PALLD: variants seen among roughly 807,000 people sequenced by gnomAD.
The protein encoded by PALLD is palladin.
Under a neutral mutation model 123.5 loss-of-function variants are expected in PALLD, and 61 were observed. The observed-to-expected ratio is 0.49, with a 90% CI of 0.40 to 0.61. The LOEUF is 0.61. Among genes scored for constraint, PALLD ranks in the 20% least tolerant of loss-of-function variants. The probability of loss-of-function intolerance (pLI) is 0.00; values close to 1 mark genes in which losing one functional copy is unlikely to be tolerated. For missense variants in PALLD, 1,273 were observed against 1,377.0 expected (o/e 0.92, Z 1.20); for synonymous variants, 465 against 496.4 (o/e 0.94, Z 0.84).
chr4:168,523,512 C>A (rs1763768003), intron 2 of PALLD, among the ~76,000 whole-genome samples: 1 of 152,040 alleles, frequency 6.6e-6, no homozygotes, highest in South Asian at 2.1e-4. Context: ...GACTTTGAAC[C>A]ACTACAAAGA....
chr4:168,890,923 G>A lies in PALLD; in HGVS notation c.1966G>A (p.Gly656Arg), dbSNP rs149631023. 2.2e-5 allele frequency: 36 copies of A among 1,613,914 alleles called. No homozygotes were observed. The African/African-American group carries it at 4.7e-4, about 21-fold the overall frequency. Residue 656 changes from glycine (G) to arginine (R), a missense_variant and splice_region_variant, in exon 11 of 22, where the codon GGA becomes AGA. Physicochemically the swap from Gly to Arg is moderately radical, Grantham distance 125. Transcript: ENST00000505667. ...CTGCCTTGTGTTTTTATCCTGCAGA[G>A]GATTTCCAAAGAAGGCCAGTAGAAC... ...PPPLLAKPKL[G>R]FPKKASRTAR...
At chr4:168,599,889 G>A (rs777176079) in intron 2 of PALLD, among the ~76,000 whole-genome samples, 1 of 136,398 alleles carries the variant, frequency 7.3e-6, no homozygotes, top group Non-Finnish European at 1.5e-5. Flanking sequence ...AACAGTGCAT[G>A]TGTGTGTATA....
At chr4:168,608,352 G>A (rs1039500717) in intron 2 of PALLD, among the ~76,000 whole-genome samples, 1 of 152,060 alleles carries the variant, frequency 6.6e-6, no homozygotes, top group African/African-American at 2.4e-5. Flanking sequence ...ATCTCAAGAC[G>A]GTTTTAGTCT....
intron 10 of PALLD, among the ~76,000 whole-genome samples, chr4:168,789,941 A>G (rs927074413): frequency 1.3e-5 from 2 of 152,082 alleles, no homozygotes; most frequent in Non-Finnish European, 2.9e-5. Flanking sequence ...TGTCCTTGAG[A>G]AGGCATAATT....
At chr4:168,828,372 G>A (rs1743717153) in intron 10 of PALLD, among the ~76,000 whole-genome samples, 1 of 152,152 alleles carries the variant, frequency 6.6e-6, no homozygotes, top group Non-Finnish European at 1.5e-5. Flanking sequence ...GTCGATTTGT[G>A]GTAGCAGTAA....
chr4:168,722,144 A>T (rs1358705402), intron 10 of PALLD, among the ~76,000 whole-genome samples: 1 of 152,176 alleles, frequency 6.6e-6, no homozygotes, highest in Non-Finnish European at 1.5e-5. Flanking sequence ...CCCTGGGCTC[A>T]GGTGATCCTC....
chr4:168,724,560 T>C (rs944878651), intron 10 of PALLD, among the ~76,000 whole-genome samples: 1 of 152,226 alleles, frequency 6.6e-6, no homozygotes, highest in African/African-American at 2.4e-5. Context: ...CTTTTCCATA[T>C]GTGACAAGGA....
intron 10 of PALLD, among the ~76,000 whole-genome samples, chr4:168,807,651 C>T (rs528468663): frequency 2.9e-4 from 44 of 151,918 alleles, no homozygotes; most frequent in African/African-American, 9.2e-4. Flanking sequence ...TCAGGTGATC[C>T]GCCCACCTTG....
chr4:168,819,034 A>G (rs769547876), intron 10 of PALLD, among the ~76,000 whole-genome samples: 25 of 152,202 alleles, frequency 1.6e-4, no homozygotes, highest in Admixed American at 9.8e-4. Flanking sequence ...GATGATGATG[A>G]ACAAGCTTAC....
chr4:168,845,679 TG>T (rs1294562091), intron 10 of PALLD, among the ~76,000 whole-genome samples: 3 of 152,200 alleles, frequency 2.0e-5, no homozygotes, highest in Non-Finnish European at 4.4e-5. Context: ...GAGGGACAAC[TG>T]TACTCACGAG....
At chr4:168,779,530 C>T (rs1017574390) in intron 10 of PALLD, among the ~76,000 whole-genome samples, 2 of 150,892 alleles carry the variant, frequency 1.3e-5, no homozygotes, top group African/African-American at 4.9e-5. Context: ...CATATATATA[C>T]ACACACACAT....
intron 4 of PALLD, 142 bp downstream of exon 4, chr4:168,681,540 ATT>A (rs34328020): frequency 0.06 from 19,280 of 322,738 alleles, no homozygotes; most frequent in South Asian, 0.094. Context: ...TTGGAACACA[ATT>A]TTTTTTTTTT....
chr4:168,792,285 C>A (rs1737636344), intron 10 of PALLD, among the ~76,000 whole-genome samples: 1 of 151,772 alleles, frequency 6.6e-6, no homozygotes, highest in South Asian at 2.1e-4. Flanking sequence ...AGTTACTCAG[C>A]CCCTTTTTAG....
intron 1 of PALLD, among the ~76,000 whole-genome samples, chr4:168,502,779 G>A (rs529622158): frequency 1.3e-4 from 20 of 152,134 alleles, no homozygotes; most frequent in Admixed American, 1.2e-3. Context: ...CGATGCACAC[G>A]CGTAGTTCTA....
chr4:168,881,981 T>G (rs368840855), intron 10 of PALLD, among the ~76,000 whole-genome samples: 2 of 152,242 alleles, frequency 1.3e-5, no homozygotes, highest in African/African-American at 4.8e-5. Flanking sequence ...CTGTTTCTTT[T>G]GCCATCTTCA....
At position 168,927,243 on chromosome 4, in the gene PALLD, T is replaced by A. The variant is rs1762682282; in HGVS notation, c.*1063T>A. The stretch of plus-strand genomic sequence containing the variant: ...AGAATGAAGGAAAATGCAACCAGCA[T>A]GATTATAGTGTGTTCATTTAGATAA... On this transcript the variant is annotated 3_prime_UTR_variant, in exon 22 of 22. Coordinates refer to ENST00000505667, the MANE Select transcript of PALLD (RefSeq NM_001166108.2). The A allele has an allele frequency of 4.3e-6, 1 of 230,228 alleles. No individual in the cohort carries two copies. The highest frequency in any genetic ancestry group is 2.2e-5 in the African/African-American group (1 of 45,142). 14.3% of individuals were successfully genotyped at this position (230,228 alleles called of 1,614,324 possible).
At position 168,785,844 on chromosome 4, in the gene PALLD, G is replaced by GAGAT. The variant is rs1197637992; in HGVS notation, c.1964+73923_1964+73926dup. On this transcript the variant is annotated intron_variant, in intron 10 of 21. Transcript: ENST00000505667. ...ACAGAGTCAGTTCTAATAAACTGTAGAGATATATATATATATATATATATA... is the reference window on the plus strand; with the variant it reads ...ACAGAGTCAGTTCTAATAAACTGTAGAGATAGATATATATATATATATATATATA... Among the ~76,000 whole-genome samples, 2 of 53,196 alleles carry GAGAT rather than the reference G, an allele frequency of 3.8e-5. 1 individual carries two copies. Among genetic ancestry groups the GAGAT allele is most frequent in the Non-Finnish European group, 9.3e-5 (2 of 21,600 alleles). 34.9% of individuals were successfully genotyped at this position (53,196 alleles called of 152,430 possible). A position where few individuals can be genotyped will look rare whatever the true frequency, so the allele number is the denominator to read the frequency against.
intron 10 of PALLD, among the ~76,000 whole-genome samples, chr4:168,854,760 A>C: frequency 6.6e-6 from 1 of 152,136 alleles, no homozygotes; most frequent in South Asian, 2.1e-4. Context: ...AGAGAGGAAA[A>C]GAGAATGCCA....
At chr4:168,835,995 C>T (rs781346203) in intron 10 of PALLD, among the ~76,000 whole-genome samples, 14 of 152,228 alleles carry the variant, frequency 9.2e-5, no homozygotes, top group Non-Finnish European at 2.1e-4. Context: ...AGGTACAATT[C>T]TCTGCCTAAC....
Sources: allele counts gnomAD v4.1 joint callset (sites outside exome capture counted in the v4.1 genomes callset), GRCh38; gene constraint gnomAD v4.1.1; transcripts MANE v1.5; gene names NCBI Gene and HGNC (gene_info 2026-07-23, HGNC 2026-07-21).